Variants in CASKIN2 observed in about 807,000 individuals in gnomAD.
CASKIN2 encodes the protein caskin-2.
A neutral mutation model predicts 107.1 loss-of-function variants in CASKIN2; 41 were observed. The observed-to-expected ratio is 0.38, with a 90% CI of 0.30 to 0.50. The LOEUF is 0.50. Among genes scored for constraint, CASKIN2 ranks in the 20% least tolerant of loss-of-function variants. The pLI is 0.92. For missense variants in CASKIN2, 1,546 were observed against 1,657.4 expected, an observed-to-expected ratio of 0.93 and a Z score of 1.17; for synonymous variants, 724 against 705.6, an observed-to-expected ratio of 1.03 and a Z score of -0.41.
At chr17:75,509,399 G>A (rs2053298128) in intron 2 of CASKIN2, among the ~76,000 whole-genome samples, 1 of 152,238 alleles carries the variant, frequency 6.6e-6, no homozygotes, top group Non-Finnish European at 1.5e-5. Flanking sequence ...GTAGCCTGGG[G>A]AAGACAGGGC....
chr17:75,507,470 G>A, intron 4 of CASKIN2, 114 bp downstream of exon 4: 1 of 774,974 alleles, frequency 1.3e-6, no homozygotes, highest in Admixed American at 2.3e-5. Context: ...CAGAGACGCT[G>A]TGCTAGCATC....
chr17:75,504,390 A>G (rs752073360), intron 13 of CASKIN2, 30 bp downstream of exon 13: 4 of 1,603,204 alleles, frequency 2.5e-6, no homozygotes, highest in South Asian at 2.2e-5. Flanking sequence ...CACCTCTCCT[A>G]GCCAACCCAG....
In CASKIN2 at chr17:75,506,538, G is replaced by A. The variant is rs745412093; in HGVS notation, c.617+45C>T. The A allele has an allele frequency of 1.9e-6, 3 of 1,607,124 alleles. No homozygotes were observed. The South Asian group carries it at 3.3e-5, about 18-fold the overall frequency. On this transcript the variant is annotated intron_variant, in intron 7 of 19. Transcript: ENST00000321617. The surrounding 1 kb of genome is among the most constrained non-coding windows in gnomAD (Gnocchi z 4.8). ...GGGAGAGCACTGAGGGGCACCGATG[G>A]TCCCGCAGGCAGGTGATGAGGAAGC... is the stretch of plus-strand genomic sequence containing the variant.
At position 75,503,504 on chromosome 17, in the gene CASKIN2, A is replaced by G. The variant is rs150660001; in HGVS notation, c.1704T>C (p.Cys568=). The change falls in exon 17 of 20, where the codon TGT becomes TGC. Residue 568 remains cysteine (C), a synonymous_variant. Coordinates refer to ENST00000321617, the MANE Select transcript of CASKIN2 (RefSeq NM_020753.5). ...TGTGGTACTGTGGCAGCCCCAGTGC[A>G]CACAGCCACTCCAGCAGGTCCGTCT... ...YIPTDLLEWL[C]ALGLPQYHKQ... is the part of the protein sequence containing the mutation. The G allele has an allele frequency of 2.4e-5, 39 of 1,611,210 alleles. No homozygotes were observed. The Middle Eastern group carries it at 4.9e-4, about 20-fold the overall frequency.
At chr17:75,515,044 C>T (rs2053345580) in intron 1 of CASKIN2, among the ~76,000 whole-genome samples, 2 of 152,216 alleles carry the variant, frequency 1.3e-5, no homozygotes, top group South Asian at 4.1e-4. Flanking sequence ...CCTCACTCCC[C>T]AAACGTCCCA....
In CASKIN2 at chr17:75,504,433, C is replaced by T. The variant is rs114741870; in HGVS notation, c.1362G>A (p.Pro454=). 7,121 of 1,606,722 alleles carry T rather than the reference C, an allele frequency of 4.4e-3. 242 individuals are homozygous for T. The African/African-American group carries it at 0.08, about 18-fold the overall frequency. The change falls in exon 13 of 20, where the codon CCG becomes CCA. Residue 454 remains proline, a synonymous_variant. Transcript: ENST00000321617. ...GEDQVLPGLH[P]PSLADNLSHR... The stretch of plus-strand genomic sequence containing the variant: ...GACCCTTCCTACCTGCCAGGGACGG[C>T]GGGTGGAGTCCTGGCAGCACCTGGT...
intron 2 of CASKIN2, among the ~76,000 whole-genome samples, chr17:75,512,869 C>T (rs567804283): frequency 2.6e-4 from 39 of 147,556 alleles, no homozygotes; most frequent in African/African-American, 9.7e-4. Context: ...CACTGCACTC[C>T]AGGCCGGGTG....
At position 75,502,420 on chromosome 17, in the gene CASKIN2, TC is replaced by T; in HGVS notation, c.2653del (p.Glu885SerfsTer5). ...RLSSVSGPSP[E>X]PPPLDESPGP... Reference sequence around the variant, plus strand: ...TGGGCTCTCATCTAGTGGAGGTGGCTCCGGGCTGGGGCCAGAGACGGAGCTG... The same window carrying T: ...TGGGCTCTCATCTAGTGGAGGTGGCTCGGGCTGGGGCCAGAGACGGAGCTG... On this transcript the variant is annotated frameshift_variant, in exon 18 of 20. Coordinates refer to ENST00000321617, the MANE Select transcript of CASKIN2 (RefSeq NM_020753.5). LOFTEE classifies it high-confidence loss of function. The surrounding 1 kb of genome is among the most constrained non-coding windows in gnomAD (Gnocchi z 4.3). 7.0e-7 allele frequency: 1 copy of T among 1,426,566 alleles called. No individual in the cohort carries two copies. 88.4% of individuals were successfully genotyped at this position (1,426,566 alleles called of 1,614,324 possible).
Position 75,505,373 on chromosome 17 carries a change from A to C in CASKIN2, c.930+184T>G. Reference sequence around the variant, plus strand: ...AATTTCTCTTGATTTTATTTTGTTTAATTCTCAATTTTGTCATCTGTAAAG... The same window carrying C: ...AATTTCTCTTGATTTTATTTTGTTTCATTCTCAATTTTGTCATCTGTAAAG... On this transcript the variant is annotated intron_variant, in intron 10 of 19. Transcript: ENST00000321617. The surrounding 1 kb of genome is among the most constrained non-coding windows in gnomAD (Gnocchi z 5.1). The C allele has an allele frequency of 1.5e-6, 1 of 655,366 alleles. No homozygotes were observed. The highest frequency in any genetic ancestry group is 2.7e-6 in the Non-Finnish European group (1 of 376,276). The allele number at this position is 655,366 out of a possible 1,614,324, so 40.6% of individuals were successfully genotyped here. A position where few individuals can be genotyped will look rare whatever the true frequency, so the allele number is the denominator to read the frequency against.
Position 75,503,525 on chromosome 17 carries a change from C to G in CASKIN2, c.1683G>C (p.Thr561=), listed in dbSNP as rs560853432. 3.1e-6 allele frequency: 5 copies of G among 1,608,504 alleles called. No individual in the cohort carries two copies. The South Asian group carries it at 5.5e-5, about 18-fold the overall frequency. ...IAEWLPSYIP[T]DLLEWLCALG... ...GTGCACACAGCCACTCCAGCAGGTC[C>G]GTCTGGAAGAGCACCGTCCTCAGAA... The change falls in exon 17 of 20, where the codon ACG becomes ACC. Residue 561 remains threonine, a splice_region_variant and synonymous_variant. Coordinates refer to ENST00000321617, the MANE Select transcript of CASKIN2 (RefSeq NM_020753.5).
At chr17:75,504,732 G>C in intron 11 of CASKIN2, 39 bp from the exon 12 acceptor site, 2 of 1,578,660 alleles carry the variant, frequency 1.3e-6, no homozygotes, top group South Asian at 2.3e-5. Context: ...AGTCCCAAGT[G>C]TCGCTCTGAC....
Position 75,506,244 on chromosome 17 carries a change from G to A in CASKIN2, c.726+61C>T, listed in dbSNP as rs1228663580. ...CCTCCGTCCCGTACCTCCCCAGCCA[G>A]TCAGGGGCACAGGGCAGAGGCTCCA... On this transcript the variant is annotated intron_variant, in intron 8 of 19. Transcript: ENST00000321617. The surrounding 1 kb of genome is among the most constrained non-coding windows in gnomAD (Gnocchi z 4.8). The A allele has an allele frequency of 1.4e-6, 2 of 1,436,598 alleles. No homozygotes were observed. Among genetic ancestry groups the A allele is most frequent in the East Asian group, 4.6e-5 (2 of 43,636 alleles). 89.0% of individuals were successfully genotyped at this position (1,436,598 alleles called of 1,614,324 possible). A position where few individuals can be genotyped will look rare whatever the true frequency, so the allele number is the denominator to read the frequency against.
chr17:75,508,964 T>A (rs1303876888), intron 2 of CASKIN2, among the ~76,000 whole-genome samples: 4 of 152,196 alleles, frequency 2.6e-5, no homozygotes, highest in Admixed American at 2.6e-4. Context: ...ACCATCCCGA[T>A]GTTAGGGCGA....
At chr17:75,508,368 C>G in intron 2 of CASKIN2, 83 bp from the exon 3 acceptor site, 1 of 1,484,566 alleles carries the variant, frequency 6.7e-7, no homozygotes. Context: ...CACAGCCCGG[C>G]TGACCTCTTG....
At chr17:75,509,660 C>G (rs553105789) in intron 2 of CASKIN2, 1 of 985,052 alleles carries the variant, frequency 1.0e-6, no homozygotes, top group South Asian at 4.7e-5. Flanking sequence ...AAGAGGGGCT[C>G]TAGAAGCGGA....
chr17:75,503,628 C>T, intron 16 of CASKIN2, 31 bp downstream of exon 16: 2 of 1,608,490 alleles, frequency 1.2e-6, no homozygotes, highest in Non-Finnish European at 1.7e-6. Context: ...ACAGCACGTG[C>T]CCCACTCCCC....
chr17:75,506,313 G>T lies in CASKIN2; in HGVS notation c.718C>A (p.Leu240Ile). 6.2e-7 allele frequency: 1 copy of T among 1,611,190 alleles called. No homozygotes were observed. The change falls in exon 8 of 20, where the codon CTT (leucine) becomes ATT (isoleucine). Residue 240 changes from leucine (L) to isoleucine (I), a missense_variant. Coordinates refer to ENST00000321617, the MANE Select transcript of CASKIN2 (RefSeq NM_020753.5). This position sits in a 1 kb window ranked among gnomAD's most constrained non-coding sequence, Gnocchi z 4.8. ...LYGKTEVVRL[L>I]LEGGVDVNIR... ...CAGGGGCCCATACCCACCTCCAGAA[G>T]CAGCCGCACCACCTCGGTCTTGCCA... is the stretch of plus-strand genomic sequence containing the variant.
At chr17:75,501,373 G>A (rs2053180415) in intron 19 of CASKIN2, 95 bp downstream of exon 19, 3 of 1,391,264 alleles carry the variant, frequency 2.2e-6, no homozygotes, top group Non-Finnish European at 2.0e-6. Context: ...TGCCTGCAAT[G>A]TCCCCCTCCA....
At chr17:75,509,469 G>A in intron 2 of CASKIN2, 1 of 601,772 alleles carries the variant, frequency 1.7e-6, no homozygotes, top group Non-Finnish European at 2.1e-6. Flanking sequence ...CACAGGGAGG[G>A]AGGGGACAGC....
Sources: gnomAD v4.1 joint callset for allele counts (sites outside exome capture counted in the v4.1 genomes callset) on GRCh38, gnomAD v4.1.1 for gene constraint, Gnocchi (gnomAD v3.1) non-coding constraint, MANE v1.5 for transcripts, NCBI Gene and HGNC (gene_info 2026-07-23, HGNC 2026-07-21) for gene names.